The following NME2 variants were observed in gnomAD, a reference collection of about 807,000 sequenced individuals.
NME2 encodes the protein NME/NM23 nucleoside diphosphate kinase 2, also known as nucleoside diphosphate kinase B.
Under a neutral mutation model 17.8 loss-of-function variants are expected in NME2, and 18 were observed. The ratio of observed to expected loss-of-function variants is 1.01; its 90% confidence interval spans 0.70 to 1.50. The LOEUF (loss-of-function observed/expected upper bound fraction) is 1.50. Among genes scored for constraint, NME2 ranks in the 40% most tolerant of loss-of-function variants. NME2 has a pLI of 0.00. For missense variants in NME2, 161 were observed against 195.6 expected (o/e 0.82, Z 1.05); for synonymous variants, 74 against 71.4 (o/e 1.04, Z -0.19).
intron 3 of NME2, among the ~76,000 whole-genome samples, chr17:51,168,670 C>A (rs1233088895): frequency 7.0e-6 from 1 of 142,318 alleles, no homozygotes; most frequent in Non-Finnish European, 1.5e-5. Flanking sequence ...GACTCTGTCT[C>A]GACAAAGAAA....
chr17:51,166,981 C>G, intron 2 of NME2, 25 bp downstream of exon 2: 1 of 1,610,430 alleles, frequency 6.2e-7, no homozygotes, highest in Non-Finnish European at 8.5e-7. Context: ...TCTCCCCTTC[C>G]CCGCTGCAGC....
chr17:51,167,539 G>A (rs1482571907), intron 2 of NME2, among the ~76,000 whole-genome samples: 1 of 152,144 alleles, frequency 6.6e-6, no homozygotes, highest in Non-Finnish European at 1.5e-5. Flanking sequence ...GTAGCCCAGG[G>A]GAGTTTAACA....
chr17:51,169,998 C>G lies in NME2; in HGVS notation c.290C>G (p.Ala97Gly). The change falls in exon 4 of 5, where the codon GCA becomes GGA. Residue 97 changes from alanine to glycine, a missense_variant. Ala to Gly is a moderately conservative substitution (Grantham distance 60). Coordinates refer to ENST00000512737, the MANE Select transcript of NME2 (RefSeq NM_002512.4). ...GTGATGCTTGGGGAGACCAATCCAG[C>G]AGATTCAAAGCCAGGCACCATTCGT... ...GRVMLGETNP[A>G]DSKPGTIRGD... The G allele has an allele frequency of 9.9e-6, 16 of 1,613,342 alleles. No individual in the cohort carries two copies. The highest frequency in any genetic ancestry group is 1.4e-5 in the Non-Finnish European group (16 of 1,179,756).
At chr17:51,170,428 C>T (rs1339188567) in intron 4 of NME2, among the ~76,000 whole-genome samples, 1 of 151,982 alleles carries the variant, frequency 6.6e-6, no homozygotes, top group Admixed American at 6.6e-5. Flanking sequence ...ACATGAGCCA[C>T]CGCACTTGGC....
rs1003763112 is a variant in NME2 at position 51,171,590 on chromosome 17, T to G, written c.445T>G (p.Trp149Gly). The G allele has an allele frequency of 1.2e-6, 2 of 1,613,482 alleles. No homozygotes were observed. The highest frequency in any genetic ancestry group is 3.3e-5 in the Admixed American group (2 of 59,998). ...TGACTACAAGTCTTGTGCTCATGAC[T>G]GGGTCTATGAATAAGAGGTGGACAC... ...LVDYKSCAHD[W>G]VYE Residue 149 changes from tryptophan to glycine, a missense_variant, in exon 5 of 5, where the codon TGG (tryptophan) becomes GGG (glycine). Coordinates refer to ENST00000512737, the MANE Select transcript of NME2 (RefSeq NM_002512.4).
At chr17:51,168,124 C>T (rs2049986277) in intron 2 of NME2, 118 bp from the exon 3 acceptor site, 2 of 780,184 alleles carry the variant, frequency 2.6e-6, no homozygotes, top group African/African-American at 1.8e-5. Flanking sequence ...TATATTTCCA[C>T]ACACCACTTA....
chr17:51,167,004 GT>G, intron 2 of NME2, 48 bp downstream of exon 2: 1 of 1,609,800 alleles, frequency 6.2e-7, no homozygotes, highest in Non-Finnish European at 8.5e-7. Context: ...GCTCGCGGGT[GT>G]TTTTCCCTCC....
intron 4 of NME2, 22 bp from the exon 5 acceptor site, chr17:51,171,465 T>C (rs1341582421): frequency 1.2e-6 from 2 of 1,607,786 alleles, no homozygotes; most frequent in South Asian, 2.2e-5. Flanking sequence ...ACATGGCAAC[T>C]TGTAATTGTT....
At chr17:51,171,398 AAG>A in intron 4 of NME2, 87 bp from the exon 5 acceptor site, 1 of 1,112,336 alleles carries the variant, frequency 9.0e-7, no homozygotes. Flanking sequence ...ATTTGGCTGA[AAG>A]AGTCTGGAGT....
chr17:51,168,373 G>A (rs1290548312), intron 3 of NME2, 30 bp downstream of exon 3: 14 of 1,605,232 alleles, frequency 8.7e-6, no homozygotes, highest in Admixed American at 5.1e-5. Flanking sequence ...GAGAGAAAAT[G>A]AGGAAAAAGT....
Position 51,166,808 on chromosome 17 carries a change from C to CG in NME2, c.-4-18dup, listed in dbSNP as rs1568125585. On this transcript the variant is annotated intron_variant, in intron 1 of 4. Coordinates refer to ENST00000512737, the MANE Select transcript of NME2 (RefSeq NM_002512.4). ...CCAGAGCCTGCGCCCGGGCCCTGACCGCACCTCTCGCCCCGCAGGACCATG... is the reference window on the plus strand; with the variant it reads ...CCAGAGCCTGCGCCCGGGCCCTGACCGGCACCTCTCGCCCCGCAGGACCATG... The CG allele has an allele frequency of 3.7e-6, 6 of 1,601,648 alleles. No homozygotes were observed. The highest frequency in any genetic ancestry group is 1.3e-5 in the African/African-American group (1 of 74,410).
chr17:51,171,713 C>G lies in NME2; in HGVS notation c.*109C>G. The G allele has an allele frequency of 1.2e-6, 1 of 804,950 alleles. No individual in the cohort carries two copies. The highest frequency in any genetic ancestry group is 2.0e-6 in the Non-Finnish European group (1 of 496,390). The allele number at this position is 804,950 out of a possible 1,614,324, so 49.9% of individuals were successfully genotyped here. A position where few individuals can be genotyped will look rare whatever the true frequency, so the allele number is the denominator to read the frequency against. ...CAGGATTGATCATTCTTTTATAGAG[C>G]ATATTTGCCAATAAAGCTTTTGGAA... On this transcript the variant is annotated 3_prime_UTR_variant, in exon 5 of 5. Transcript: ENST00000512737.
Position 51,169,931 on chromosome 17 carries a change from T to TTCA in NME2, c.229-4_229-3insATC. Reference sequence around the variant, plus strand: ...CTGATTATAAATCCATTTTCACACTTTCGAGGTCTGGGAGGGGCTGAACGT... The same window carrying TTCA: ...CTGATTATAAATCCATTTTCACACTTTCATCGAGGTCTGGGAGGGGCTGAACGT... On this transcript the variant is annotated splice_region_variant and splice_polypyrimidine_tract_variant and intron_variant, in intron 3 of 4. Transcript: ENST00000512737. 6.2e-7 allele frequency: 1 copy of TTCA among 1,613,342 alleles called. No homozygotes were observed.
intron 4 of NME2, among the ~76,000 whole-genome samples, chr17:51,170,489 A>G (rs1219520017): frequency 1.3e-5 from 2 of 151,768 alleles, no homozygotes; most frequent in Non-Finnish European, 2.9e-5. Flanking sequence ...CAGGCTGGGT[A>G]TATCATTGTA....
intron 3 of NME2, 183 bp from the exon 4 acceptor site, chr17:51,169,754 T>C (rs1451959323): frequency 3.7e-6 from 2 of 543,994 alleles, no homozygotes; most frequent in African/African-American, 2.0e-5. Context: ...AGACTTTTCT[T>C]TGAATCCTAG....
intron 3 of NME2, 70 bp downstream of exon 3, chr17:51,168,413 C>A: frequency 1.3e-6 from 2 of 1,497,924 alleles, no homozygotes; most frequent in Non-Finnish European, 1.8e-6. Flanking sequence ...ACATCTCCCT[C>A]AGCTAATCTA....
At chr17:51,170,826 C>T (rs1375597266) in intron 4 of NME2, among the ~76,000 whole-genome samples, 1 of 151,248 alleles carries the variant, frequency 6.6e-6, no homozygotes, top group Non-Finnish European at 1.5e-5. Context: ...ATAGCTTCTT[C>T]CCTAGGTTAC....
At chr17:51,170,077 A>T in intron 4 of NME2, 28 bp downstream of exon 4, 1 of 1,559,386 alleles carries the variant, frequency 6.4e-7, no homozygotes, top group Non-Finnish European at 8.7e-7. Flanking sequence ...AGGGTGGATG[A>T]CTTTTATGCA....
chr17:51,171,386 C>T, intron 4 of NME2, 101 bp from the exon 5 acceptor site: 8 of 940,136 alleles, frequency 8.5e-6, no homozygotes, highest in East Asian at 4.9e-5. Flanking sequence ...CTTCAAGTGG[C>T]AATTTGGCTG....
Sources: gnomAD v4.1 joint callset for allele counts (sites outside exome capture counted in the v4.1 genomes callset) on GRCh38, gnomAD v4.1.1 for gene constraint, MANE v1.5 for transcripts, NCBI Gene and HGNC (gene_info 2026-07-23, HGNC 2026-07-21) for gene names.